The following SLC26A8 variants were observed in gnomAD, a reference collection of about 807,000 sequenced individuals.
SLC26A8 encodes the protein testis anion transporter 1.
A neutral mutation model predicts 105.0 loss-of-function variants in SLC26A8; 70 were observed. The observed-to-expected ratio is 0.67, with a 90% CI of 0.55 to 0.81. The LOEUF (loss-of-function observed/expected upper bound fraction) is 0.81. Among genes scored for constraint, SLC26A8 ranks in the 40% least tolerant of loss-of-function variants. The probability of loss-of-function intolerance (pLI) is 0.00; values close to 1 mark genes in which losing one functional copy is unlikely to be tolerated. For missense variants in SLC26A8, 998 were observed against 1,181.8 expected, an observed-to-expected ratio of 0.84 and a Z score of 2.28; for synonymous variants, 415 against 438.3, an observed-to-expected ratio of 0.95 and a Z score of 0.66.
At chr6:36,004,258 A>C (rs914163084) in intron 3 of SLC26A8, among the ~76,000 whole-genome samples, 1 of 151,354 alleles carries the variant, frequency 6.6e-6, no homozygotes, top group Non-Finnish European at 1.5e-5. Context: ...TGTAGTTTTC[A>C]TAGAGACAGG....
At chr6:36,012,935 T>C (rs7743315) in intron 2 of SLC26A8, among the ~76,000 whole-genome samples, 43,517 of 151,988 alleles carry the variant, frequency 0.29, 6,699 homozygotes, top group African/African-American at 0.42. Flanking sequence ...GGCAGGTGCA[T>C]AAAGTGTGTT....
At chr6:35,952,404 C>CGG (rs1206136187) in intron 17 of SLC26A8, among the ~76,000 whole-genome samples, 1 of 152,154 alleles carries the variant, frequency 6.6e-6, no homozygotes, top group East Asian at 1.9e-4. Flanking sequence ...ACATCAGCTA[C>CGG]TGTCCTCAAG....
At chr6:35,994,822 C>T (rs1200931450) in intron 5 of SLC26A8, among the ~76,000 whole-genome samples, 1 of 152,170 alleles carries the variant, frequency 6.6e-6, no homozygotes, top group Non-Finnish European at 1.5e-5. Context: ...AGTGATCCAC[C>T]CGCTTTGGTC....
chr6:35,987,679 C>T (rs1158277279), intron 7 of SLC26A8, among the ~76,000 whole-genome samples: 12 of 151,696 alleles, frequency 7.9e-5, no homozygotes, highest in Non-Finnish European at 1.6e-4. Context: ...TCTCCATTTT[C>T]TTAACATACT....
In SLC26A8 at chr6:35,962,590, A is replaced by T. The variant is rs1340083675; in HGVS notation, c.1397T>A (p.Val466Asp). The T allele has an allele frequency of 6.2e-7, 1 of 1,614,174 alleles. No individual in the cohort carries two copies. Among genetic ancestry groups the T allele is most frequent in the Admixed American group, 1.7e-5 (1 of 60,014 alleles). Residue 466 changes from valine (V) to aspartate (D), a missense_variant, in exon 12 of 20, where the codon GTC becomes GAC. Val to Asp is a radical substitution (Grantham distance 152, BLOSUM62 -3). Transcript: ENST00000490799. ...AVLAGIILSN[V>D]IPYLETISNL... ...AGAAATGGTTTCAAGGTAGGGAATGACGTTGCTCAGAATAATACCAGCCAG... is the reference window on the plus strand; with the variant it reads ...AGAAATGGTTTCAAGGTAGGGAATGTCGTTGCTCAGAATAATACCAGCCAG...
At chr6:35,959,095 C>T (rs1035102551) in intron 16 of SLC26A8, among the ~76,000 whole-genome samples, 4 of 152,166 alleles carry the variant, frequency 2.6e-5, no homozygotes, top group Admixed American at 6.5e-5. Flanking sequence ...AGAAAACAAT[C>T]TTTAAGTCAC....
intron 5 of SLC26A8, among the ~76,000 whole-genome samples, chr6:35,995,412 C>T (rs2127352542): frequency 1.3e-5 from 2 of 152,312 alleles, no homozygotes; most frequent in Admixed American, 1.3e-4. Flanking sequence ...TTGTTTCCTT[C>T]CCAGATAACT....
intron 5 of SLC26A8, among the ~76,000 whole-genome samples, chr6:35,995,036 C>T (rs1453233238): frequency 6.6e-6 from 1 of 152,180 alleles, no homozygotes; most frequent in African/African-American, 2.4e-5. Flanking sequence ...TCAGTTTCCT[C>T]ATCTATAAAA....
chr6:35,956,577 G>A (rs1426402569), intron 16 of SLC26A8, among the ~76,000 whole-genome samples: 1 of 152,148 alleles, frequency 6.6e-6, no homozygotes, highest in Non-Finnish European at 1.5e-5. Flanking sequence ...TGTGGACTCT[G>A]CATTTACAGG....
chr6:36,012,134 T>G, intron 3 of SLC26A8, 99 bp downstream of exon 3: 1 of 1,457,942 alleles, frequency 6.9e-7, no homozygotes, highest in East Asian at 2.4e-5. Flanking sequence ...ATTCAATATT[T>G]TTTTTCTATT....
At chr6:36,016,949 A>G (rs1762009342) in intron 2 of SLC26A8, among the ~76,000 whole-genome samples, 1 of 152,140 alleles carries the variant, frequency 6.6e-6, no homozygotes, top group Non-Finnish European at 1.5e-5. Flanking sequence ...AAGCAAGCGG[A>G]TCACTTGAGG....
At chr6:35,950,983 A>C (rs1261941170) in intron 19 of SLC26A8, among the ~76,000 whole-genome samples, 180 bp downstream of exon 19, 2 of 152,110 alleles carry the variant, frequency 1.3e-5, no homozygotes, top group African/African-American at 4.8e-5. Context: ...CTATTTACCA[A>C]GTGGTAAGGG....
chr6:35,988,520 A>C (rs978155089), intron 7 of SLC26A8, among the ~76,000 whole-genome samples: 19 of 151,984 alleles, frequency 1.3e-4, no homozygotes, highest in Non-Finnish European at 1.8e-4. Flanking sequence ...CTGTAATCCC[A>C]GCTACTCGGG....
intron 19 of SLC26A8, 127 bp downstream of exon 19, chr6:35,951,036 C>A (rs1454342104): frequency 2.0e-5 from 19 of 931,950 alleles, no homozygotes; most frequent in Non-Finnish European, 3.0e-5. Flanking sequence ...ATACTAAATA[C>A]CTTTCCTGGA....
intron 5 of SLC26A8, among the ~76,000 whole-genome samples, chr6:35,994,913 C>T (rs1308029121): frequency 1.3e-5 from 2 of 152,272 alleles, no homozygotes; most frequent in Non-Finnish European, 2.9e-5. Flanking sequence ...AATTCCTCTC[C>T]TTTAAGGAGT....
chr6:36,018,615 C>T (rs1019282961), intron 2 of SLC26A8, among the ~76,000 whole-genome samples: 1 of 152,130 alleles, frequency 6.6e-6, no homozygotes, highest in Non-Finnish European at 1.5e-5. Flanking sequence ...GTCAATCATG[C>T]CACTGAATTG....
At chr6:36,017,118 C>T (rs1007342090) in intron 2 of SLC26A8, among the ~76,000 whole-genome samples, 14 of 151,606 alleles carry the variant, frequency 9.2e-5, no homozygotes, top group South Asian at 6.2e-4. Context: ...TTGCAGTGAG[C>T]GGAGATTGTG....
chr6:35,956,521 A>G lies in SLC26A8; in HGVS notation c.1864-1001T>C, dbSNP rs1056435258. 3.9e-5 allele frequency among the ~76,000 whole-genome samples: 6 copies of G among 152,086 alleles called. No individual in the cohort carries two copies. In the East Asian group the frequency reaches 1.2e-3, roughly 29 times the overall value. On this transcript the variant is annotated intron_variant, in intron 16 of 19. Coordinates refer to ENST00000490799, the MANE Select transcript of SLC26A8 (RefSeq NM_052961.4). ...GGCCCAGACTGCCTGCTATAGCTTA[A>G]GGACAGTAACAAGGACCAGGAACAC...
At chr6:36,007,785 T>C (rs1402727586) in intron 3 of SLC26A8, among the ~76,000 whole-genome samples, 1 of 152,152 alleles carries the variant, frequency 6.6e-6, no homozygotes, top group African/African-American at 2.4e-5. Context: ...ATTTGATCTC[T>C]GACAAAGGTG....
Sources: gnomAD v4.1 joint callset for allele counts (sites outside exome capture counted in the v4.1 genomes callset) on GRCh38, gnomAD v4.1.1 for gene constraint, MANE v1.5 for transcripts, NCBI Gene and HGNC (gene_info 2026-07-23, HGNC 2026-07-21) for gene names.